The following ESRRG variants were observed in gnomAD, a reference collection of about 807,000 sequenced individuals.
ESRRG encodes the protein estrogen related receptor gamma.
In ESRRG, 13 loss-of-function variants were observed where a neutral mutation model predicts 44.0. That is an observed-to-expected ratio of 0.30 (90% confidence interval 0.19 to 0.47). The LOEUF (loss-of-function observed/expected upper bound fraction) is 0.47, where lower values mean the gene tolerates loss of function less well. Among genes scored for constraint, ESRRG ranks in the 20% least tolerant of loss-of-function variants. ESRRG has a pLI of 1.00. For missense variants in ESRRG, 395 were observed against 580.6 expected (o/e 0.68, Z 3.29); for synonymous variants, 215 against 214.6 (o/e 1.00, Z -0.02).
intron 2 of ESRRG, among the ~76,000 whole-genome samples, chr1:216,937,946 G>C (rs965454835): frequency 6.6e-6 from 1 of 151,820 alleles, no homozygotes; most frequent in Non-Finnish European, 1.5e-5. Context: ...TACTCTGGAG[G>C]TGATAAAGGT....
At chr1:217,133,592 T>C (rs1333533831) in intron 1 of ESRRG, among the ~76,000 whole-genome samples, 1 of 152,180 alleles carries the variant, frequency 6.6e-6, no homozygotes, top group Non-Finnish European at 1.5e-5. Context: ...CAGCTAGCAA[T>C]GGTGTTTTCC....
intron 1 of ESRRG, among the ~76,000 whole-genome samples, chr1:216,971,682 C>T (rs2071698990): frequency 6.6e-6 from 1 of 152,134 alleles, no homozygotes; most frequent in South Asian, 2.1e-4. Context: ...ATTTATGATG[C>T]TTCAGGAAAA....
intron 2 of ESRRG, among the ~76,000 whole-genome samples, chr1:216,777,434 C>T (rs760936654): frequency 6.6e-6 from 1 of 152,128 alleles, no homozygotes; most frequent in Admixed American, 6.6e-5. Context: ...TCATATCACA[C>T]TTCCAGACTG....
chr1:217,046,337 A>C (rs1241365226), intron 1 of ESRRG, among the ~76,000 whole-genome samples: 1 of 152,196 alleles, frequency 6.6e-6, no homozygotes, highest in Non-Finnish European at 1.5e-5. Flanking sequence ...TGACCAAATG[A>C]ATCCACCTGC....
rs11572623 is a variant in ESRRG, at chr1:216,777,422, T to C, written c.-13-99931A>G. 4.2e-3 allele frequency among the ~76,000 whole-genome samples: 632 copies of C among 152,242 alleles called. 4 individuals are homozygous for C. The highest frequency in any genetic ancestry group is 0.014 in the African/African-American group (600 of 41,558). The stretch of plus-strand genomic sequence containing the variant: ...GAAGAGCTGCCACAGATATTTATGA[T>C]CTCATATCACACTTCCAGACTGCTG... On this transcript the variant is annotated intron_variant, in intron 2 of 7. Coordinates refer to the ESRRG transcript ENST00000359162.
intron 2 of ESRRG, among the ~76,000 whole-genome samples, chr1:216,673,755 C>T: frequency 6.6e-6 from 1 of 152,180 alleles, no homozygotes; most frequent in East Asian, 1.9e-4. Context: ...GTTATTCTAT[C>T]TTTACAAAAC....
intron 2 of ESRRG, among the ~76,000 whole-genome samples, chr1:216,809,325 TAAAAAAA>T (rs201618241): frequency 0.013 from 1,562 of 119,132 alleles, 35 homozygotes; most frequent in African/African-American, 0.048. Context: ...TTTTTTACAG[TAAAAAAA>T]AAAAAAAAAA....
chr1:217,001,224 C>G (rs2150650719), intron 1 of ESRRG, among the ~76,000 whole-genome samples: 1 of 152,184 alleles, frequency 6.6e-6, no homozygotes, highest in Non-Finnish European at 1.5e-5. Context: ...TTTTTTTATG[C>G]TGGAACTCTG....
At chr1:216,963,155 T>C (rs983080537) in intron 1 of ESRRG, among the ~76,000 whole-genome samples, 1 of 152,236 alleles carries the variant, frequency 6.6e-6, no homozygotes, top group Non-Finnish European at 1.5e-5. Flanking sequence ...GTGATTCATC[T>C]ACCTAAAGAA....
chr1:217,051,343 GA>G (rs1236349507), intron 1 of ESRRG, among the ~76,000 whole-genome samples: 1 of 152,068 alleles, frequency 6.6e-6, no homozygotes, highest in African/African-American at 2.4e-5. Flanking sequence ...TCTAAAAGGT[GA>G]ATCAGTTAAC....
chr1:216,663,012 C>G (rs570228066), intron 2 of ESRRG, among the ~76,000 whole-genome samples: 60 of 152,316 alleles, frequency 3.9e-4, no homozygotes, highest in African/African-American at 1.4e-3. Flanking sequence ...CTTTCTTGCT[C>G]ACGACTCTGT....
chr1:216,983,879 C>T (rs182688696), intron 1 of ESRRG, among the ~76,000 whole-genome samples: 4 of 152,160 alleles, frequency 2.6e-5, no homozygotes, highest in Non-Finnish European at 5.9e-5. Context: ...GGTCTTATCT[C>T]CCAGAAGGTG....
intron 3 of ESRRG, among the ~76,000 whole-genome samples, chr1:216,587,609 G>A (rs1362285325): frequency 1.3e-5 from 2 of 152,122 alleles, no homozygotes; most frequent in Non-Finnish European, 2.9e-5. Flanking sequence ...GTTGTCACAA[G>A]AGAAGACTTG....
At chr1:216,726,111 A>G (rs2087464527), upstream of ESRRG, among the ~76,000 whole-genome samples, 1 of 152,166 alleles carries the variant, frequency 6.6e-6, no homozygotes, top group South Asian at 2.1e-4. Flanking sequence ...AGATACATGT[A>G]CAAACATACA....
chr1:216,533,468 A>G (rs770482107), intron 5 of ESRRG, among the ~76,000 whole-genome samples: 1 of 152,116 alleles, frequency 6.6e-6, no homozygotes, highest in Non-Finnish European at 1.5e-5. Context: ...CTGACCCCCT[A>G]TCTCAGAGCC....
In ESRRG at chr1:216,785,800, G is replaced by C. The variant is rs551718948; in HGVS notation, c.-13-108309C>G. ...TAGCAACATTCTTCAAATGTTCAATGTTAAGTGTGGGAAAGGAAAAAAACA... is the reference window on the plus strand; with the variant it reads ...TAGCAACATTCTTCAAATGTTCAATCTTAAGTGTGGGAAAGGAAAAAAACA... On this transcript the variant is annotated intron_variant, in intron 2 of 7. Transcript: ENST00000359162. Among the ~76,000 whole-genome samples the C allele has an allele frequency of 7.9e-4, 120 of 151,918 alleles. 1 individual carries two copies. The highest frequency in any genetic ancestry group is 1.4e-3 in the Non-Finnish European group (93 of 67,978).
intron 2 of ESRRG, among the ~76,000 whole-genome samples, chr1:216,894,214 C>A (rs2058148574): frequency 6.6e-6 from 1 of 152,076 alleles, no homozygotes; most frequent in Non-Finnish European, 1.5e-5. Context: ...AACTATGGGT[C>A]AGATCAGGAA....
At chr1:216,972,913 G>T (rs1484791917) in intron 1 of ESRRG, among the ~76,000 whole-genome samples, 1 of 152,176 alleles carries the variant, frequency 6.6e-6, no homozygotes, top group Non-Finnish European at 1.5e-5. Context: ...TGGAATGGGA[G>T]TCTGTGATTT....
At chr1:217,105,825 G>A (rs112812903) in intron 1 of ESRRG, among the ~76,000 whole-genome samples, 19 of 152,208 alleles carry the variant, frequency 1.2e-4, no homozygotes, top group African/African-American at 2.2e-4. Flanking sequence ...CCAAGCATGC[G>A]AAGTTGGCTA....
Sources: allele counts gnomAD v4.1 joint callset (sites outside exome capture counted in the v4.1 genomes callset), GRCh38; gene constraint gnomAD v4.1.1; transcripts MANE v1.5; gene names NCBI Gene and HGNC (gene_info 2026-07-23, HGNC 2026-07-21).